The following PIEZO1 variants were observed in gnomAD, a reference collection of about 807,000 sequenced individuals.
PIEZO1 encodes piezo-type mechanosensitive ion channel component 1.
Under a neutral mutation model 297.2 loss-of-function variants are expected in PIEZO1, and 296 were observed. That is an observed-to-expected ratio of 1.00 (90% CI 0.91 to 1.10). The LOEUF (loss-of-function observed/expected upper bound fraction) is 1.10. Among genes scored for constraint, PIEZO1 ranks in the 50% least tolerant of loss-of-function variants. PIEZO1 has a pLI of 0.00. For synonymous variants in PIEZO1, 2,427 were observed against 1,507.5 expected, an observed-to-expected ratio of 1.61 and a Z score of -14.13; for missense variants, 5,018 against 3,455.5, an observed-to-expected ratio of 1.45 and a Z score of -11.34.
chr16:88,785,059 C>G lies in PIEZO1; in HGVS notation c.-95G>C. 1 of 672,414 alleles carries G rather than the reference C, an allele frequency of 1.5e-6. No individual in the cohort carries two copies. Among genetic ancestry groups the G allele is most frequent in the South Asian group, 7.2e-5 (1 of 13,954 alleles). 41.7% of individuals were successfully genotyped at this position (672,414 alleles called of 1,614,324 possible). On this transcript the variant is annotated 5_prime_UTR_variant, in exon 1 of 51. Transcript: ENST00000301015. ...CGGGGCCGGCGCGCCATGGCTGACC[C>G]GCGGGGACCCGCGCGCCGCCTTCTC...
chr16:88,781,201 A>G (rs1018943420), intron 1 of PIEZO1, among the ~76,000 whole-genome samples: 1 of 152,144 alleles, frequency 6.6e-6, no homozygotes, highest in African/African-American at 2.4e-5. Context: ...CCGAAAGCAA[A>G]TGCACTGCCG....
Position 88,727,400 on chromosome 16 carries a change from CTGCG to C in PIEZO1, c.3301+153_3301+156del, listed in dbSNP as rs200015293. 6.6e-3 allele frequency among the ~76,000 whole-genome samples: 1,001 copies of C among 152,236 alleles called. 12 individuals carry two copies. The highest frequency in any genetic ancestry group is 0.023 in the African/African-American group (934 of 41,476). On this transcript the variant is annotated intron_variant, in intron 23 of 50. Coordinates refer to ENST00000301015, the MANE Select transcript of PIEZO1 (RefSeq NM_001142864.4). ...GGCTGCCGTGCACACAGGCTGAGGT[CTGCG>C]TGCGTGCGTGCGAGGTCAGGGCCTG... is the stretch of plus-strand genomic sequence containing the variant.
intron 2 of PIEZO1, chr16:88,743,573 C>A: frequency 2.2e-6 from 1 of 456,716 alleles, no homozygotes; most frequent in Non-Finnish European, 4.4e-6. Context: ...AACTCAGGGC[C>A]TGTGTCCACT....
chr16:88,720,704 C>A lies in PIEZO1; in HGVS notation c.5713G>T (p.Ala1905Ser). Residue 1905 changes from alanine (A) to serine (S), a missense_variant, in exon 40 of 51, where the codon GCC becomes TCC. By Grantham distance (99) the Ala-to-Ser change is moderately conservative. Transcript: ENST00000301015. ...GGCCTCTTCTCTCTCCCCGTGGGGG[C>A]CTCTTTCTCTTCCTCCCCCTCTTCT... Reference protein sequence around the residue: ...EEEEGEEEKEAPTGREKRPSR... With the variant: ...EEEEGEEEKESPTGREKRPSR... 5.9e-6 allele frequency: 9 copies of A among 1,535,074 alleles called. No homozygotes were observed. Among genetic ancestry groups the A allele is most frequent in the Admixed American group, 2.1e-5 (1 of 47,414 alleles).
Position 88,733,343 on chromosome 16 carries a change from CGAT to C in PIEZO1, c.2596_2598del (p.Ile866del). 2 of 1,550,186 alleles carry C rather than the reference CGAT, an allele frequency of 1.3e-6. No individual in the cohort carries two copies. The highest frequency in any genetic ancestry group is 1.7e-6 in the Non-Finnish European group (2 of 1,146,818). On this transcript the variant is annotated inframe_deletion, in exon 19 of 51. Coordinates refer to ENST00000301015, the MANE Select transcript of PIEZO1 (RefSeq NM_001142864.4). Reference sequence around the variant, plus strand: ...TTGAGCTGGTACAGCATCTTACACACGATGATGACGCAGGTCCACACGGTGGAC... The same window carrying C: ...TTGAGCTGGTACAGCATCTTACACACGATGACGCAGGTCCACACGGTGGAC...
Position 88,734,417 on chromosome 16 carries a change from G to A in PIEZO1, c.2119C>T (p.Gln707Ter). 2 of 1,549,756 alleles carry A rather than the reference G, an allele frequency of 1.3e-6. No homozygotes were observed. Among genetic ancestry groups the A allele is most frequent in the Middle Eastern group, 1.7e-4 (1 of 5,940 alleles). ...QLHYFHRPFM[Q>*]LTDMEHVSLP... is the part of the protein sequence containing the mutation. The stretch of plus-strand genomic sequence containing the variant: ...GACACGTGCTCCATGTCGGTGAGCT[G>A]CATGAAGGGCCTGTGGAAGTAGTGC... Residue 707 changes from glutamine (Q) to a stop codon, truncating the protein, a stop_gained, in exon 16 of 51, where the codon CAG becomes TAG. Transcript: ENST00000301015. LOFTEE classifies it high-confidence loss of function.
chr16:88,779,036 CT>C lies in PIEZO1; in HGVS notation c.64+5864del, dbSNP rs34383297. Among the ~76,000 whole-genome samples the C allele has an allele frequency of 2.9e-3, 386 of 135,114 alleles. 2 individuals are homozygous for C. The highest frequency in any genetic ancestry group is 6.2e-3 in the African/African-American group (222 of 35,776). The allele number at this position is 135,114 out of a possible 152,430, so 88.6% of individuals were successfully genotyped here. ...GAATTTAATCTGATTTACGACTTCA[CT>C]TTTTTTTTTTTTTTTTGAGAGGGAG... On this transcript the variant is annotated intron_variant, in intron 1 of 50. Transcript: ENST00000301015.
intron 2 of PIEZO1, chr16:88,745,610 A>T (rs1906000460): frequency 6.6e-6 from 1 of 152,120 alleles, no homozygotes; most frequent in Non-Finnish European, 1.5e-5. Flanking sequence ...AGGCGTGGTG[A>T]TGGGCACCTG....
At chr16:88,716,521 T>TC in intron 47 of PIEZO1, 38 bp from the exon 48 acceptor site, 1 of 1,537,390 alleles carries the variant, frequency 6.5e-7, no homozygotes, top group Non-Finnish European at 8.8e-7. Flanking sequence ...CTGTAGTGGG[T>TC]CCACCCACCC....
In PIEZO1 at chr16:88,727,689, G is replaced by A. The variant is rs1472817209; in HGVS notation, c.3197-28C>T. The A allele has an allele frequency of 1.6e-5, 20 of 1,225,042 alleles. No individual in the cohort carries two copies. The East Asian group carries it at 4.9e-4, about 30-fold the overall frequency. 75.9% of individuals were successfully genotyped at this position (1,225,042 alleles called of 1,614,324 possible). ...GGGGGAAGGGGTGTCATGTCAGGAA[G>A]GGCCGGGCCTGCCTGGGGCCTGAGA... On this transcript the variant is annotated intron_variant, in intron 22 of 50. Transcript: ENST00000301015.
At chr16:88,773,199 C>A (rs942815662) in intron 1 of PIEZO1, among the ~76,000 whole-genome samples, 1 of 152,264 alleles carries the variant, frequency 6.6e-6, no homozygotes, top group Non-Finnish European at 1.5e-5. Context: ...CCCTCTGGCC[C>A]CCCAGTAACT....
At position 88,721,256 on chromosome 16, in the gene PIEZO1, C is replaced by G. The variant is rs1397843908; in HGVS notation, c.5578G>C (p.Glu1860Gln). 1 of 1,543,502 alleles carries G rather than the reference C, an allele frequency of 6.5e-7. No homozygotes were observed. The highest frequency in any genetic ancestry group is 2.0e-5 in the Admixed American group (1 of 50,978). ...CGCCTCGTATCACGGGGCCTGAGCT[C>G]CACTTGGGGTTCTGGGGTCCCGTCC... is the stretch of plus-strand genomic sequence containing the variant. ...PTDGTPEPQV[E>Q]LRPRDTRRIS... The change falls in exon 39 of 51, where the codon GAG (glutamate) becomes CAG (glutamine). Residue 1860 changes from glutamate to glutamine, a missense_variant. Transcript: ENST00000301015.
chr16:88,734,768 T>G lies in PIEZO1; in HGVS notation c.1879A>C (p.Lys627Gln). Reference sequence around the variant, plus strand: ...GCCACCACGAGCCACCAGAAGGCCTTGAGCAGCTTCCGCCACAGGCTGTAG... The same window carrying G: ...GCCACCACGAGCCACCAGAAGGCCTGGAGCAGCTTCCGCCACAGGCTGTAG... ...VYYSLWRKLL[K>Q]AFWWLVVAYT... Residue 627 changes from lysine (K) to glutamine (Q), a missense_variant, in exon 15 of 51, where the codon AAG becomes CAG. Coordinates refer to ENST00000301015, the MANE Select transcript of PIEZO1 (RefSeq NM_001142864.4). 1 of 1,550,206 alleles carries G rather than the reference T, an allele frequency of 6.5e-7. No homozygotes were observed. Among genetic ancestry groups the G allele is most frequent in the South Asian group, 1.2e-5 (1 of 84,066 alleles).
Position 88,742,109 on chromosome 16 carries a change from C to T in PIEZO1, c.284-14G>A, listed in dbSNP as rs112349530. 63 of 1,535,810 alleles carry T rather than the reference C, an allele frequency of 4.1e-5. No individual in the cohort carries two copies. The highest frequency in any genetic ancestry group is 2.6e-4 in the African/African-American group (19 of 73,130). ...CCCAGCGGCTGCCTGCAGAGAAAGA[C>T]GGGGGAACCCAGGTCAGGCTCTGCC... is the stretch of plus-strand genomic sequence containing the variant. On this transcript the variant is annotated splice_polypyrimidine_tract_variant and intron_variant, in intron 3 of 50. Coordinates refer to ENST00000301015, the MANE Select transcript of PIEZO1 (RefSeq NM_001142864.4).
chr16:88,768,628 G>A (rs918164673), intron 1 of PIEZO1, among the ~76,000 whole-genome samples: 1 of 152,224 alleles, frequency 6.6e-6, no homozygotes, highest in Non-Finnish European at 1.5e-5. Flanking sequence ...GCAGGAGCTC[G>A]TCCACAGGGC....
At chr16:88,767,901 G>C (rs149544805) in intron 1 of PIEZO1, among the ~76,000 whole-genome samples, 222 of 152,240 alleles carry the variant, frequency 1.5e-3, no homozygotes, top group Non-Finnish European at 2.4e-3. Context: ...CAACCCCCAA[G>C]CCCTCGCAGA....
chr16:88,748,491 C>G (rs77469954), intron 2 of PIEZO1, among the ~76,000 whole-genome samples: 10 of 9,728 alleles, frequency 1.0e-3, no homozygotes, highest in Admixed American at 1.1e-3. Flanking sequence ...TCTCAGCTCC[C>G]CCCCCCCCCC....
intron 44 of PIEZO1, chr16:88,718,069 T>C (rs1048134392): frequency 6.9e-5 from 17 of 246,044 alleles, no homozygotes; most frequent in Non-Finnish European, 1.1e-4. Context: ...AGATCCTATC[T>C]CAAAAGCCCA....
intron 2 of PIEZO1, among the ~76,000 whole-genome samples, chr16:88,748,529 T>A (rs977549997): frequency 7.2e-6 from 1 of 139,428 alleles, no homozygotes; most frequent in Non-Finnish European, 1.6e-5. Context: ...TCAACTGAGG[T>A]CCAACCCCAC....
Sources: allele counts gnomAD v4.1 joint callset (sites outside exome capture counted in the v4.1 genomes callset), GRCh38; gene constraint gnomAD v4.1.1; transcripts MANE v1.5; gene names NCBI Gene and HGNC (gene_info 2026-07-23, HGNC 2026-07-21).